FAM107B: variants seen among roughly 807,000 people sequenced by gnomAD.
FAM107B encodes the protein protein FAM107B.
Under a neutral mutation model 31.5 loss-of-function variants are expected in FAM107B, and 21 were observed. The ratio of observed to expected loss-of-function variants is 0.67; its 90% CI spans 0.47 to 0.96. The LOEUF is 0.96. FAM107B is among the 40% of genes least tolerant of loss of function. The pLI is 0.00. For missense variants in FAM107B, 452 were observed against 377.1 expected (o/e 1.20, Z -1.64); for synonymous variants, 157 against 141.5 (o/e 1.11, Z -0.78).
At chr10:14,634,815 G>T (rs944485758) in intron 2 of FAM107B, among the ~76,000 whole-genome samples, 15 of 152,118 alleles carry the variant, frequency 9.9e-5, no homozygotes, top group Non-Finnish European at 2.1e-4. Context: ...TCTTGGCCGG[G>T]TGCGGTGTCT....
At chr10:14,676,603 A>G (rs970432756) in intron 1 of FAM107B, among the ~76,000 whole-genome samples, 3 of 152,228 alleles carry the variant, frequency 2.0e-5, no homozygotes, top group Non-Finnish European at 4.4e-5. Context: ...AAATGCCTCC[A>G]AGAAAGCTTT....
chr10:14,714,905 A>G (rs911955117), intron 1 of FAM107B, among the ~76,000 whole-genome samples: 3 of 152,188 alleles, frequency 2.0e-5, no homozygotes, highest in Non-Finnish European at 4.4e-5. Flanking sequence ...AGCCAGGTTT[A>G]TCCTCAAGGC....
chr10:14,631,064 C>T (rs1853342366), intron 2 of FAM107B, among the ~76,000 whole-genome samples: 1 of 152,008 alleles, frequency 6.6e-6, no homozygotes, highest in South Asian at 2.1e-4. Context: ...TCATCTAAAC[C>T]CTGCCTCTCT....
intron 2 of FAM107B, among the ~76,000 whole-genome samples, chr10:14,664,183 A>C (rs536978954): frequency 8.5e-5 from 13 of 152,248 alleles, no homozygotes; most frequent in African/African-American, 3.1e-4. Flanking sequence ...CTCTGTGTTC[A>C]TGTTTTAAAG....
At chr10:14,677,487 G>A (rs559781684) in intron 1 of FAM107B, among the ~76,000 whole-genome samples, 1 of 152,246 alleles carries the variant, frequency 6.6e-6, no homozygotes, top group East Asian at 1.9e-4. Context: ...CGGGCGTGGT[G>A]GTGGGCGCCT....
At chr10:14,706,649 T>C (rs1855526975) in intron 1 of FAM107B, among the ~76,000 whole-genome samples, 1 of 152,240 alleles carries the variant, frequency 6.6e-6, no homozygotes, top group African/African-American at 2.4e-5. Context: ...ATGACTATTG[T>C]GTAATATAGA....
At chr10:14,723,736 G>T (rs554126665) in intron 1 of FAM107B, 3 of 757,896 alleles carry the variant, frequency 4.0e-6, no homozygotes, top group East Asian at 2.4e-5. Flanking sequence ...GTTAGTGAAG[G>T]TTCCAGGGGT....
At chr10:14,772,782 T>C (rs1008735146) in intron 1 of FAM107B, among the ~76,000 whole-genome samples, 1 of 152,198 alleles carries the variant, frequency 6.6e-6, no homozygotes, top group African/African-American at 2.4e-5. Flanking sequence ...TGGCCCCATT[T>C]TGTGTTATTG....
At chr10:14,759,255 A>G (rs565567043) in intron 1 of FAM107B, among the ~76,000 whole-genome samples, 17 of 152,206 alleles carry the variant, frequency 1.1e-4, no homozygotes, top group Non-Finnish European at 2.4e-4. Flanking sequence ...GCTGACATGC[A>G]TTCCCACGTA....
chr10:14,603,878 T>C (rs1192674194), intron 2 of FAM107B, among the ~76,000 whole-genome samples: 1 of 151,120 alleles, frequency 6.6e-6, no homozygotes, highest in Non-Finnish European at 1.5e-5. Context: ...AGGGCGGGCA[T>C]ACGGCGCACA....
At chr10:14,564,137 C>T (rs1850467250) in intron 2 of FAM107B, among the ~76,000 whole-genome samples, 1 of 152,048 alleles carries the variant, frequency 6.6e-6, no homozygotes, top group African/African-American at 2.4e-5. Context: ...TTAAGATTCT[C>T]AAATACTTTT....
Position 14,535,780 on chromosome 10 carries a change from C to T in FAM107B, c.470-5265G>A, listed in dbSNP as rs537425854. ...CAGAATTGTATTTCAGACAGACACA[C>T]TATGCACTGAAAAATGCTGCCTGAT... On this transcript the variant is annotated intron_variant, in intron 2 of 4. Coordinates refer to ENST00000181796, the MANE Select transcript of FAM107B (RefSeq NM_031453.4). Among the ~76,000 whole-genome samples, 329 of 152,310 alleles carry T rather than the reference C, an allele frequency of 2.2e-3. 2 individuals are homozygous for T. Among genetic ancestry groups the T allele is most frequent in the African/African-American group, 7.7e-3 (321 of 41,562 alleles).
chr10:14,575,329 G>A (rs1410875997), intron 2 of FAM107B, among the ~76,000 whole-genome samples: 1 of 151,902 alleles, frequency 6.6e-6, no homozygotes, highest in African/African-American at 2.4e-5. Flanking sequence ...TCAGCCTCCT[G>A]AGTAACTAGG....
intron 2 of FAM107B, among the ~76,000 whole-genome samples, chr10:14,612,066 T>G (rs1274480180): frequency 6.6e-6 from 1 of 151,722 alleles, no homozygotes; most frequent in East Asian, 1.9e-4. Context: ...CTCCCCAGGC[T>G]TGTCTGGAAG....
intron 2 of FAM107B, among the ~76,000 whole-genome samples, chr10:14,546,204 C>G (rs917524295): frequency 2.0e-5 from 3 of 152,194 alleles, no homozygotes; most frequent in Non-Finnish European, 1.5e-5. Context: ...GATGAAATGA[C>G]TAAGTTAAGA....
intron 1 of FAM107B, among the ~76,000 whole-genome samples, chr10:14,737,766 T>TCTCTCTCTCTCTCTCTCTC (rs1856336376): frequency 1.6e-5 from 2 of 127,048 alleles, no homozygotes; most frequent in Non-Finnish European, 3.2e-5. Flanking sequence ...CGTGCACGCT[T>TCTCTCTCTCTCTCTCTCTC]TCTCTCTCTC....
intron 2 of FAM107B, among the ~76,000 whole-genome samples, chr10:14,536,336 G>A (rs908483993): frequency 1.3e-5 from 2 of 152,150 alleles, no homozygotes; most frequent in Non-Finnish European, 2.9e-5. Context: ...CTGCTAAAAC[G>A]TCTGGAAAGT....
chr10:14,747,784 G>T (rs1393568482), intron 1 of FAM107B, among the ~76,000 whole-genome samples: 1 of 152,222 alleles, frequency 6.6e-6, no homozygotes, highest in Non-Finnish European at 1.5e-5. Flanking sequence ...GGAGGCACAG[G>T]ATCTGGGACC....
At chr10:14,523,300 A>G (rs1845863848) in intron 3 of FAM107B, among the ~76,000 whole-genome samples, 1 of 150,848 alleles carries the variant, frequency 6.6e-6, no homozygotes, top group Non-Finnish European at 1.5e-5. Context: ...TTGATGTTAA[A>G]ATTTACCAGG....
Sources: allele counts gnomAD v4.1 joint callset (sites outside exome capture counted in the v4.1 genomes callset), GRCh38; gene constraint gnomAD v4.1.1; transcripts MANE v1.5; gene names NCBI Gene and HGNC (gene_info 2026-07-23, HGNC 2026-07-21).